Variants in AGBL4 observed in about 807,000 individuals in gnomAD.
AGBL4 encodes cytosolic carboxypeptidase 6.
A neutral mutation model predicts 66.4 loss-of-function variants in AGBL4; 58 were observed. That is an observed-to-expected ratio of 0.87 (90% CI 0.71 to 1.09). AGBL4 has a LOEUF of 1.09. AGBL4 is among the 50% of genes least tolerant of loss of function. AGBL4 has a pLI of 0.00. For synonymous variants in AGBL4, 234 were observed against 222.9 expected (o/e 1.05, Z -0.44); for missense variants, 579 against 631.0 (o/e 0.92, Z 0.88).
intron 5 of AGBL4, among the ~76,000 whole-genome samples, chr1:48,939,984 C>T (rs909947450): frequency 6.6e-6 from 1 of 152,180 alleles, no homozygotes; most frequent in Non-Finnish European, 1.5e-5. Flanking sequence ...GGACAGACCA[C>T]CTCACCAAAG....
chr1:49,727,467 A>T (rs1649117396), intron 2 of AGBL4, among the ~76,000 whole-genome samples: 1 of 152,170 alleles, frequency 6.6e-6, no homozygotes, highest in African/African-American at 2.4e-5. Flanking sequence ...CATATGAGAA[A>T]GAACACTCGA....
intron 3 of AGBL4, among the ~76,000 whole-genome samples, chr1:49,459,841 G>C (rs1307899974): frequency 6.6e-6 from 1 of 151,566 alleles, no homozygotes; most frequent in South Asian, 2.1e-4. Flanking sequence ...ACATCCCAGA[G>C]GTTTTGATAG....
At chr1:48,974,290 C>G (rs923886493) in intron 5 of AGBL4, among the ~76,000 whole-genome samples, 3 of 152,156 alleles carry the variant, frequency 2.0e-5, no homozygotes, top group African/African-American at 7.2e-5. Context: ...AGGAATAGGA[C>G]AGCCTTAATA....
At chr1:49,555,033 C>T (rs1653306702) in intron 3 of AGBL4, among the ~76,000 whole-genome samples, 1 of 152,156 alleles carries the variant, frequency 6.6e-6, no homozygotes, top group Admixed American at 6.5e-5. Flanking sequence ...ACAAAGCTTC[C>T]ACAGGAAGAA....
chr1:49,359,398 A>T (rs750411594), intron 3 of AGBL4, among the ~76,000 whole-genome samples: 1 of 152,244 alleles, frequency 6.6e-6, no homozygotes, highest in Non-Finnish European at 1.5e-5. Context: ...AATATAATTA[A>T]GTGTGTAAAA....
At chr1:49,429,086 G>A (rs2148654150) in intron 3 of AGBL4, among the ~76,000 whole-genome samples, 1 of 152,294 alleles carries the variant, frequency 6.6e-6, no homozygotes, top group Non-Finnish European at 1.5e-5. Context: ...TCATTCCAGT[G>A]AAAATCTTTC....
chr1:49,433,954 A>C (rs1481599305), intron 3 of AGBL4, among the ~76,000 whole-genome samples: 1 of 152,186 alleles, frequency 6.6e-6, no homozygotes, highest in Admixed American at 6.5e-5. Context: ...CCAACATCAG[A>C]GTTAGGGTGG....
chr1:49,501,970 G>C (rs991484898), intron 3 of AGBL4, among the ~76,000 whole-genome samples: 1 of 152,096 alleles, frequency 6.6e-6, no homozygotes, highest in African/African-American at 2.4e-5. Flanking sequence ...GGTCAGAAAA[G>C]ATACTTGACA....
At chr1:48,846,192 T>A (rs928336003) in intron 6 of AGBL4, among the ~76,000 whole-genome samples, 6 of 152,014 alleles carry the variant, frequency 3.9e-5, no homozygotes, top group Non-Finnish European at 1.5e-5. Flanking sequence ...CACCCATAAG[T>A]ATAGGAAGGT....
intron 1 of AGBL4, among the ~76,000 whole-genome samples, chr1:49,860,765 C>T (rs1436528950): frequency 1.3e-5 from 2 of 148,408 alleles, no homozygotes; most frequent in Non-Finnish European, 3.0e-5. Flanking sequence ...TCCCCTTCCC[C>T]AGCAAAAAAA....
intron 9 of AGBL4, among the ~76,000 whole-genome samples, chr1:48,608,895 T>C (rs1006049097): frequency 1.3e-5 from 2 of 152,306 alleles, no homozygotes; most frequent in African/African-American, 4.8e-5. Context: ...TATGGTACTT[T>C]GTAATATATA....
chr1:49,751,573 A>G (rs907184059), intron 2 of AGBL4, among the ~76,000 whole-genome samples: 1 of 152,184 alleles, frequency 6.6e-6, no homozygotes, highest in Non-Finnish European at 1.5e-5. Context: ...AGGTTTTAGT[A>G]TCAGAATGAT....
chr1:49,758,554 A>G (rs1366468599), intron 2 of AGBL4, among the ~76,000 whole-genome samples: 1 of 152,142 alleles, frequency 6.6e-6, no homozygotes, highest in Non-Finnish European at 1.5e-5. Flanking sequence ...TACAGAGTCA[A>G]AGGATATCAT....
intron 4 of AGBL4, among the ~76,000 whole-genome samples, chr1:49,127,078 T>C (rs1645780388): frequency 6.6e-6 from 1 of 152,174 alleles, no homozygotes; most frequent in African/African-American, 2.4e-5. Context: ...CTGAATAAAC[T>C]ATATAAAACA....
At chr1:48,553,170 G>C (rs1448729627) in intron 11 of AGBL4, among the ~76,000 whole-genome samples, 1 of 152,016 alleles carries the variant, frequency 6.6e-6, no homozygotes, top group African/African-American at 2.4e-5. Context: ...TTTCCCCACT[G>C]ACAGTTGACC....
At position 49,916,916 on chromosome 1, in the gene AGBL4, T is replaced by C. The variant is rs1244274326; in HGVS notation, c.35-65398A>G. Among the ~76,000 whole-genome samples the C allele has an allele frequency of 2.0e-5, 3 of 151,684 alleles. No individual in the cohort carries two copies. In the East Asian group the frequency reaches 5.8e-4, roughly 29 times the overall value. On this transcript the variant is annotated intron_variant, in intron 1 of 13. Transcript: ENST00000371839. ...AGAAACCCTACAAGCCAGAAGAGAG[T>C]GGGGGCCAATATTCAACATTCTTAA...
intron 5 of AGBL4, among the ~76,000 whole-genome samples, chr1:48,969,579 A>T (rs2148951351): frequency 6.6e-6 from 1 of 151,758 alleles, no homozygotes; most frequent in South Asian, 2.1e-4. Flanking sequence ...CACTGTTAGT[A>T]TTAGTCTTTC....
intron 2 of AGBL4, among the ~76,000 whole-genome samples, chr1:49,764,307 CT>C (rs1652573176): frequency 6.6e-6 from 1 of 152,160 alleles, no homozygotes; most frequent in Non-Finnish European, 1.5e-5. Flanking sequence ...CCAGTTGCCC[CT>C]AGCCCTCCCG....
intron 4 of AGBL4, among the ~76,000 whole-genome samples, chr1:49,206,047 T>C (rs556606350): frequency 1.4e-3 from 211 of 152,250 alleles, no homozygotes; most frequent in African/African-American, 4.7e-3. Flanking sequence ...AAGGAAGATT[T>C]AGGAAATAAG....
Sources: allele counts gnomAD v4.1 joint callset (sites outside exome capture counted in the v4.1 genomes callset), GRCh38; gene constraint gnomAD v4.1.1; transcripts MANE v1.5; gene names NCBI Gene and HGNC (gene_info 2026-07-23, HGNC 2026-07-21).